The following MRPS22 variants were observed in gnomAD, a reference collection of about 807,000 sequenced individuals.
The protein encoded by MRPS22 is small ribosomal subunit protein mS22.
MRPS22 carries 30 observed loss-of-function variants against 44.0 expected under a neutral mutation model. That is an observed-to-expected ratio of 0.68 (90% confidence interval 0.51 to 0.93). The LOEUF is 0.93. Ranked by LOEUF, MRPS22 falls within the 40% of genes least tolerant of loss-of-function variation. MRPS22 has a pLI of 0.00. For missense variants in MRPS22, 447 were observed against 447.8 expected, an observed-to-expected ratio of 1.00 and a Z score of 0.02; for synonymous variants, 165 against 154.4, an observed-to-expected ratio of 1.07 and a Z score of -0.51.
At chr3:139,347,551 ATC>A (rs1359744379) in intron 2 of MRPS22, among the ~76,000 whole-genome samples, 1 of 152,226 alleles carries the variant, frequency 6.6e-6, no homozygotes, top group Admixed American at 6.5e-5. Context: ...AAATATATAT[ATC>A]TCTCTCCAGT....
At chr3:139,349,919 G>A (rs1941113493) in intron 3 of MRPS22, among the ~76,000 whole-genome samples, 2 of 152,044 alleles carry the variant, frequency 1.3e-5, no homozygotes, top group African/African-American at 2.4e-5. Context: ...TTTTCGTATC[G>A]AACTCACGTT....
intron 7 of MRPS22, among the ~76,000 whole-genome samples, chr3:139,356,331 G>A (rs930239342): frequency 6.6e-6 from 1 of 152,174 alleles, no homozygotes; most frequent in African/African-American, 2.4e-5. Flanking sequence ...GCTGAGAGTT[G>A]AGATGATATT....
chr3:139,350,681 C>T (rs1026225524), intron 4 of MRPS22: 16 of 439,380 alleles, frequency 3.6e-5, no homozygotes, highest in Admixed American at 1.1e-4. Context: ...ACCCCCCCCC[C>T]GCAATCCGAC....
At chr3:139,350,509 C>T in intron 4 of MRPS22, 187 bp downstream of exon 4, 2 of 597,542 alleles carry the variant, frequency 3.3e-6, no homozygotes. Flanking sequence ...CTCACTGCAA[C>T]CTCCACCTTC....
Position 139,352,717 on chromosome 3 carries a change from T to C in MRPS22, c.803T>C (p.Phe268Ser). ...GACCTTTTACGTTCAACAAGATACT[T>C]TGGTGGAATGGTGTGGTATTTTGTA... ...KYDLLRSTRY[F>S]GGMVWYFVNN... Residue 268 changes from phenylalanine (F) to serine (S), a missense_variant, in exon 6 of 8, where the codon TTT (phenylalanine) becomes TCT (serine). By Grantham distance (155) the Phe-to-Ser change is radical. Transcript: ENST00000680020. 6.2e-7 allele frequency: 1 copy of C among 1,613,242 alleles called. No homozygotes were observed. The highest frequency in any genetic ancestry group is 8.5e-7 in the Non-Finnish European group (1 of 1,179,216).
intron 6 of MRPS22, 115 bp downstream of exon 6, chr3:139,352,907 C>T (rs540969115): frequency 1.7e-6 from 2 of 1,152,680 alleles, no homozygotes; most frequent in South Asian, 2.6e-5. Flanking sequence ...GCTTGCTTAC[C>T]TCAGTTTATG....
chr3:139,348,255 T>C lies in MRPS22; in HGVS notation c.435T>C (p.Asp145=). 6.2e-7 allele frequency: 1 copy of C among 1,614,134 alleles called. No individual in the cohort carries two copies. Among genetic ancestry groups the C allele is most frequent in the South Asian group, 1.1e-5 (1 of 91,086 alleles). Residue 145 remains aspartate, a synonymous_variant, in exon 3 of 8, where the codon GAT becomes GAC. Coordinates refer to ENST00000680020, the MANE Select transcript of MRPS22 (RefSeq NM_020191.4). ...RVPINDVLAE[D]KILEGTETTK... ...CAATAAATGATGTGTTAGCTGAAGA[T>C]AAGATTTTGGAAGGAACAGAAACAA...
chr3:139,347,173 A>G (rs1941054536), intron 2 of MRPS22, 129 bp downstream of exon 2: 3 of 1,123,516 alleles, frequency 2.7e-6, no homozygotes, highest in Non-Finnish European at 4.0e-6. Context: ...CAGGCATAGA[A>G]CTGAGAAAAG....
At chr3:139,349,328 T>G (rs1481603417) in intron 3 of MRPS22, 1 of 450,990 alleles carries the variant, frequency 2.2e-6, no homozygotes, top group East Asian at 7.0e-5. Flanking sequence ...CGATTGGCAG[T>G]GTTGATGGAA....
intron 1 of MRPS22, chr3:139,344,809 G>A: frequency 1.7e-6 from 1 of 584,176 alleles, no homozygotes; most frequent in Non-Finnish European, 3.0e-6. Flanking sequence ...GGAATAGAGG[G>A]TTGTCCCATT....
At chr3:139,348,930 G>T in intron 3 of MRPS22, 1 of 170,116 alleles carries the variant, frequency 5.9e-6, no homozygotes, top group East Asian at 1.7e-4. Context: ...CTTTGTATTT[G>T]AGCCTTTGCA....
chr3:139,348,123 C>T (rs1384727893), intron 2 of MRPS22, 37 bp from the exon 3 acceptor site: 1 of 1,606,536 alleles, frequency 6.2e-7, no homozygotes, highest in Admixed American at 1.7e-5. Flanking sequence ...ATTATGTAAC[C>T]TTGTGGCTTT....
At chr3:139,351,942 TTAGG>T (rs1410504900) in intron 5 of MRPS22, 1 of 152,832 alleles carries the variant, frequency 6.5e-6, no homozygotes, top group East Asian at 1.9e-4. Context: ...GAACCTTCAT[TTAGG>T]AAGATCAATC....
intron 6 of MRPS22, 23 bp downstream of exon 6, chr3:139,352,815 A>T: frequency 1.2e-6 from 2 of 1,608,578 alleles, no homozygotes; most frequent in Non-Finnish European, 1.7e-6. Context: ...TTAGTAAGTG[A>T]AAGAATCATT....
intron 2 of MRPS22, among the ~76,000 whole-genome samples, chr3:139,347,628 A>G (rs1941065807): frequency 6.6e-6 from 1 of 152,254 alleles, no homozygotes; most frequent in Non-Finnish European, 1.5e-5. Flanking sequence ...TTTTAACAGT[A>G]TGGCATGAAG....
chr3:139,352,733 G>A lies in MRPS22; in HGVS notation c.819G>A (p.Trp273Ter), dbSNP rs367552247. 2 of 1,613,726 alleles carry A rather than the reference G, an allele frequency of 1.2e-6. No homozygotes were observed. Among genetic ancestry groups the A allele is most frequent in the South Asian group, 1.1e-5 (1 of 91,066 alleles). ...RSTRYFGGMV[W>*]YFVNNKKIDG... ...CAAGATACTTTGGTGGAATGGTGTG[G>A]TATTTTGTAAATAATAAAAAGATTG... Residue 273 changes from tryptophan to a stop codon, truncating the protein, a stop_gained, in exon 6 of 8, where the codon TGG becomes TGA. Transcript: ENST00000680020. LOFTEE classifies it high-confidence loss of function.
intron 5 of MRPS22, chr3:139,352,440 C>T (rs1199978961): frequency 5.9e-6 from 3 of 508,032 alleles, no homozygotes; most frequent in Non-Finnish European, 1.1e-5. Flanking sequence ...GGCCAAAATT[C>T]TTTCTTAATA....
At chr3:139,347,983 C>T (rs918652130) in intron 2 of MRPS22, among the ~76,000 whole-genome samples, 177 bp from the exon 3 acceptor site, 2 of 152,210 alleles carry the variant, frequency 1.3e-5, no homozygotes, top group African/African-American at 4.8e-5. Flanking sequence ...TCAGCCACAT[C>T]GCAGAGGCAA....
intron 2 of MRPS22, 53 bp downstream of exon 2, chr3:139,347,097 A>G: frequency 6.3e-7 from 1 of 1,593,538 alleles, no homozygotes; most frequent in African/African-American, 1.3e-5. Flanking sequence ...GGTTTAAACA[A>G]CATTTCTAGA....
Sources: allele counts gnomAD v4.1 joint callset (sites outside exome capture counted in the v4.1 genomes callset), GRCh38; gene constraint gnomAD v4.1.1; transcripts MANE v1.5; gene names NCBI Gene and HGNC (gene_info 2026-07-23, HGNC 2026-07-21).